ASH1L: variants seen among roughly 807,000 people sequenced by gnomAD.
The protein encoded by ASH1L is ASH1 like histone lysine methyltransferase.
Under a neutral mutation model 269.0 loss-of-function variants are expected in ASH1L, and 23 were observed. The observed-to-expected ratio is 0.09, with a 90% CI of 0.06 to 0.12. The LOEUF is 0.12. ASH1L is among the 10% of genes least tolerant of loss of function. The pLI is 1.00. For synonymous variants in ASH1L, 1,187 were observed against 1,253.5 expected (o/e 0.95, Z 1.12); for missense variants, 2,912 against 3,567.8 (o/e 0.82, Z 4.68).
rs775458124 is a variant in ASH1L at position 155,433,924 on chromosome 1, G to A, written c.5828+4403C>T. On this transcript the variant is annotated intron_variant, in intron 5 of 27. Coordinates refer to ENST00000392403, the MANE Select transcript of ASH1L (RefSeq NM_018489.3). ...GAGTGAGAGGCAACCTGGAGAATTT[G>A]TTCCTGCAGTGCCCGAAACCCACAC... 3.1e-6 allele frequency: 5 copies of A among 1,587,754 alleles called. No homozygotes were observed. In the South Asian group the frequency reaches 3.4e-5, roughly 11 times the overall value.
chr1:155,465,628 C>T (rs1473456993), intron 3 of ASH1L, among the ~76,000 whole-genome samples: 1 of 152,100 alleles, frequency 6.6e-6, no homozygotes, highest in Non-Finnish European at 1.5e-5. Context: ...TGAAATTGTT[C>T]CTTCCCACCA....
At chr1:155,451,219 T>G (rs888846528) in intron 4 of ASH1L, among the ~76,000 whole-genome samples, 10 of 131,880 alleles carry the variant, frequency 7.6e-5, no homozygotes, top group South Asian at 7.4e-4. Flanking sequence ...AAAAAAGAAA[T>G]AAAAATAAAT....
chr1:155,434,155 T>C, intron 5 of ASH1L: 8 of 1,594,104 alleles, frequency 5.0e-6, no homozygotes, highest in Admixed American at 3.6e-5. Context: ...CCCCAGGCTA[T>C]GGGAGCCCTC....
intron 4 of ASH1L, among the ~76,000 whole-genome samples, chr1:155,446,448 G>A (rs528812631): frequency 8.5e-4 from 129 of 150,892 alleles, no homozygotes; most frequent in African/African-American, 2.9e-3. Flanking sequence ...ACAGGTGTGC[G>A]GCACCACGCC....
chr1:155,337,675 G>T lies in ASH1L; in HGVS notation c.8880C>A (p.Asn2960Lys), dbSNP rs1389447912. ...TCTTTGAGGGTCACTTTCGAAAGCT[G>T]TTTTCTGGGATAAACAAAGTACGCC... ...LRRRTLFIPENSFRK is the reference protein window; with the variant it reads ...LRRRTLFIPEKSFRK Residue 2960 changes from asparagine (N) to lysine (K), a missense_variant, in exon 28 of 28, where the codon AAC becomes AAA. This residue lies in a region of ASH1L where 154 missense variants were observed against 165.0 expected (regional missense o/e 0.93). Coordinates refer to ENST00000392403, the MANE Select transcript of ASH1L (RefSeq NM_018489.3). 5 of 1,613,662 alleles carry T rather than the reference G, an allele frequency of 3.1e-6. No homozygotes were observed. The highest frequency in any genetic ancestry group is 1.3e-5 in the African/African-American group (1 of 74,906).
rs187355423 is a variant in ASH1L at position 155,490,152 on chromosome 1, T to C, written c.421-7703A>G. On this transcript the variant is annotated intron_variant, in intron 2 of 27. Coordinates refer to ENST00000392403, the MANE Select transcript of ASH1L (RefSeq NM_018489.3). ...GCTGATTTTTTGTATTTTTAGTAGA[T>C]ATGGGGTTTCACCGTGTTAGCCAGG... 3.8e-3 allele frequency among the ~76,000 whole-genome samples: 573 copies of C among 151,656 alleles called. 5 individuals carry two copies. Among genetic ancestry groups the C allele is most frequent in the African/African-American group, 0.013 (549 of 41,398 alleles).
intron 2 of ASH1L, among the ~76,000 whole-genome samples, chr1:155,498,445 G>GT (rs1667297977): frequency 6.6e-6 from 1 of 151,868 alleles, no homozygotes; most frequent in Non-Finnish European, 1.5e-5. Context: ...GTTTTGTTTT[G>GT]TTTTTTGTAT....
At chr1:155,552,177 T>C (rs1671262506) in intron 1 of ASH1L, among the ~76,000 whole-genome samples, 1 of 150,548 alleles carries the variant, frequency 6.6e-6, no homozygotes, top group Admixed American at 6.6e-5. Flanking sequence ...ACTAAATAAA[T>C]ATATGAAGGC....
rs569667710 is a variant in ASH1L, at chr1:155,372,620, T to A, written c.6333-1637A>T. Among the ~76,000 whole-genome samples the A allele has an allele frequency of 3.3e-3, 493 of 151,650 alleles. 3 individuals carry two copies. The highest frequency in any genetic ancestry group is 0.012 in the African/African-American group (476 of 41,302). ...CATTGTGCCTGGCCTTTTTTTTTTT[T>A]AATTAAAGAGGGGGAAGTCTCCCTC... On this transcript the variant is annotated intron_variant, in intron 10 of 27. Coordinates refer to ENST00000392403, the MANE Select transcript of ASH1L (RefSeq NM_018489.3).
chr1:155,411,927 C>T (rs1423843592), intron 6 of ASH1L, among the ~76,000 whole-genome samples: 1 of 151,786 alleles, frequency 6.6e-6, no homozygotes, highest in African/African-American at 2.4e-5. Context: ...CTGTCATTGA[C>T]GCCTATGAAG....
Position 155,483,799 on chromosome 1 carries a change from T to C in ASH1L, c.421-1350A>G, listed in dbSNP as rs151195732. 5.7e-3 allele frequency among the ~76,000 whole-genome samples: 866 copies of C among 151,486 alleles called. 6 individuals carry two copies. The highest frequency in any genetic ancestry group is 0.02 in the African/African-American group (823 of 41,308). ...TAAGGTACATCTGTACAATGGAATA[T>C]TGAGAAATTGTCAACAAAAACAAAA... On this transcript the variant is annotated intron_variant, in intron 2 of 27. Coordinates refer to ENST00000392403, the MANE Select transcript of ASH1L (RefSeq NM_018489.3).
intron 10 of ASH1L, among the ~76,000 whole-genome samples, chr1:155,375,472 T>C (rs1430299879): frequency 6.6e-6 from 1 of 152,182 alleles, no homozygotes; most frequent in Non-Finnish European, 1.5e-5. Context: ...TCATTATCTT[T>C]AGCCAGATAA....
At chr1:155,455,130 CAA>C (rs1429148025) in intron 4 of ASH1L, among the ~76,000 whole-genome samples, 1 of 151,768 alleles carries the variant, frequency 6.6e-6, no homozygotes, top group African/African-American at 2.4e-5. Flanking sequence ...GAGAAATGAG[CAA>C]AGAGACATAA....
At chr1:155,346,263 G>T (rs1653307373) in intron 21 of ASH1L, 120 bp downstream of exon 21, 2 of 1,556,360 alleles carry the variant, frequency 1.3e-6, no homozygotes, top group Non-Finnish European at 1.8e-6. Flanking sequence ...AGAAACCAAG[G>T]CCCAGAGAGG....
In ASH1L at chr1:155,477,808, T is replaced by G. The variant is rs1041125050; in HGVS notation, c.4984+78A>C. The G allele has an allele frequency of 2.9e-6, 4 of 1,362,092 alleles. No individual in the cohort carries two copies. The East Asian group carries it at 9.3e-5, about 32-fold the overall frequency. The allele number at this position is 1,362,092 out of a possible 1,614,324, so 84.4% of individuals were successfully genotyped here. On this transcript the variant is annotated intron_variant, in intron 3 of 27. Coordinates refer to ENST00000392403, the MANE Select transcript of ASH1L (RefSeq NM_018489.3). ...AAAAAAAGATATATATATTAAAAGT[T>G]CATCTACATTTATCAGGCACCTGTG...
Position 155,346,428 on chromosome 1 carries a change from C to T in ASH1L, c.7845G>A (p.Val2615=), listed in dbSNP as rs763471937. ...HCDCMGVNSD[V]EHYLCEQCDP... ...CACACTGCTCACAAAGGTAGTGCTC[C>T]ACATCTGAGTTCACTCCCATACAAT... The change falls in exon 21 of 28, where the codon GTG becomes GTA. Residue 2615 remains valine (V), a synonymous_variant. Transcript: ENST00000392403. 6.2e-7 allele frequency: 1 copy of T among 1,614,038 alleles called. No homozygotes were observed. Among genetic ancestry groups the T allele is most frequent in the South Asian group, 1.1e-5 (1 of 91,070 alleles).
intron 16 of ASH1L, among the ~76,000 whole-genome samples, chr1:155,354,138 T>C (rs1218857042): frequency 6.6e-6 from 1 of 152,340 alleles, no homozygotes; most frequent in Non-Finnish European, 1.5e-5. Context: ...AATAAATTAA[T>C]AGAAATTCGG....
At chr1:155,460,010 T>C (rs1256466735) in intron 3 of ASH1L, 112 bp from the exon 4 acceptor site, 34 of 702,936 alleles carry the variant, frequency 4.8e-5, no homozygotes, top group Non-Finnish European at 7.2e-5. Flanking sequence ...TGTCATCCCC[T>C]GTAATAACAT....
At chr1:155,367,541 T>A (rs973821559) in intron 12 of ASH1L, among the ~76,000 whole-genome samples, 2 of 152,196 alleles carry the variant, frequency 1.3e-5, no homozygotes, top group Admixed American at 6.5e-5. Context: ...AATGTAGATA[T>A]GACAGTGGAT....
Sources: allele counts gnomAD v4.1 joint callset (sites outside exome capture counted in the v4.1 genomes callset), GRCh38; gene constraint gnomAD v4.1.1; regional missense constraint gnomAD v4.1.1; transcripts MANE v1.5; gene names NCBI Gene and HGNC (gene_info 2026-07-23, HGNC 2026-07-21).